Variants in TMPO observed in about 807,000 individuals in gnomAD.
TMPO encodes thymopoietin.
A neutral mutation model predicts 45.4 loss-of-function variants in TMPO; 22 were observed. The observed-to-expected ratio is 0.48, with a 90% CI of 0.35 to 0.69. TMPO has a LOEUF of 0.69. Ranked by LOEUF, TMPO falls within the 30% of genes least tolerant of loss-of-function variation. The pLI, the probability that TMPO is intolerant of heterozygous loss-of-function variation, is 0.01. For missense variants in TMPO, 512 were observed against 548.8 expected, an observed-to-expected ratio of 0.93 and a Z score of 0.67; for synonymous variants, 241 against 204.1, an observed-to-expected ratio of 1.18 and a Z score of -1.54.
At chr12:98,527,797 T>G in intron 1 of TMPO, 89 bp from the exon 2 acceptor site, 4 of 1,496,744 alleles carry the variant, frequency 2.7e-6, no homozygotes, top group Non-Finnish European at 2.8e-6. Context: ...AATTTGGTAG[T>G]GAGTTTGCAT....
rs756571073 is a variant in TMPO, at chr12:98,531,852, T to C, written c.565+14T>C. The C allele has an allele frequency of 6.2e-7, 1 of 1,607,220 alleles. No homozygotes were observed. Among genetic ancestry groups the C allele is most frequent in the East Asian group, 2.2e-5 (1 of 44,730 alleles). On this transcript the variant is annotated intron_variant, in intron 3 of 8. Coordinates refer to ENST00000556029, the MANE Select transcript of TMPO (RefSeq NM_001032283.3). ...ACAATGAAGAAGGTAAAATTTTAAA[T>C]GATGTTAATCAAATGTATGGAATTT... is the stretch of plus-strand genomic sequence containing the variant.
intron 1 of TMPO, among the ~76,000 whole-genome samples, chr12:98,518,650 AAG>A (rs1196153538): frequency 6.6e-6 from 1 of 151,824 alleles, no homozygotes; most frequent in Non-Finnish European, 1.5e-5. Context: ...CACTTGGTAA[AAG>A]AGAGTTTATG....
At chr12:98,519,208 A>G (rs1297306274) in intron 1 of TMPO, among the ~76,000 whole-genome samples, 1 of 151,162 alleles carries the variant, frequency 6.6e-6, no homozygotes, top group East Asian at 2.0e-4. Flanking sequence ...TGTTGTTGTT[A>G]TTTTGTTTTG....
chr12:98,538,527 A>G (rs1344196645), intron 4 of TMPO, among the ~76,000 whole-genome samples: 1 of 151,966 alleles, frequency 6.6e-6, no homozygotes, highest in Non-Finnish European at 1.5e-5. Flanking sequence ...TAATTTTTGT[A>G]TTTTTAGTAG....
intron 1 of TMPO, among the ~76,000 whole-genome samples, chr12:98,526,534 T>G (rs1422185140): frequency 6.6e-6 from 1 of 152,216 alleles, no homozygotes; most frequent in Admixed American, 6.5e-5. Flanking sequence ...GTATTGTCTT[T>G]TTTTTCCCCA....
chr12:98,529,161 C>T (rs1172316878), intron 2 of TMPO, among the ~76,000 whole-genome samples: 1 of 150,982 alleles, frequency 6.6e-6, no homozygotes, highest in African/African-American at 2.4e-5. Context: ...TCAAGCAGTT[C>T]TCCAGCCTCA....
At chr12:98,541,243 T>G (rs190174145) in intron 4 of TMPO, among the ~76,000 whole-genome samples, 6 of 152,356 alleles carry the variant, frequency 3.9e-5, no homozygotes, top group Admixed American at 3.9e-4. Context: ...TTTTAATAGA[T>G]AATACTATTT....
intron 1 of TMPO, chr12:98,527,650 A>G (rs1029140318): frequency 4.1e-6 from 2 of 483,996 alleles, no homozygotes; most frequent in East Asian, 3.8e-5. Flanking sequence ...AAAATGGACT[A>G]TTTTAACAAC....
intron 1 of TMPO, chr12:98,516,575 G>C: frequency 2.0e-6 from 2 of 1,002,206 alleles, no homozygotes; most frequent in Non-Finnish European, 2.4e-6. Context: ...CAGAGTCTCA[G>C]AGCGCTCCCT....
At chr12:98,547,078 C>CT (rs10632560) in intron 8 of TMPO, among the ~76,000 whole-genome samples, 33,802 of 141,572 alleles carry the variant, frequency 0.24, 4,710 homozygotes, top group Non-Finnish European at 0.32. Context: ...ATGCATCGAA[C>CT]TTTTTTTTTT....
chr12:98,547,330 C>A (rs1470405363), intron 8 of TMPO, among the ~76,000 whole-genome samples: 2 of 152,206 alleles, frequency 1.3e-5, no homozygotes, highest in Non-Finnish European at 2.9e-5. Context: ...CCGCCTTGGC[C>A]TCCCAAAGTG....
chr12:98,516,531 G>A (rs1875842486), intron 1 of TMPO: 1 of 1,041,034 alleles, frequency 9.6e-7, no homozygotes, highest in Non-Finnish European at 1.2e-6. Context: ...AAGTTCGAGC[G>A]TTTTCCCGCT....
At position 98,533,481 on chromosome 12, in the gene TMPO, A is replaced by G. The variant is rs763852580; in HGVS notation, c.565+1643A>G. ...TGCCCCCACTGGATGTAGAAAACAT[A>G]CAGAAGAGAATTGATCAGTCTAAGT... is the stretch of plus-strand genomic sequence containing the variant. On this transcript the variant is annotated intron_variant, in intron 3 of 8. Coordinates refer to ENST00000556029, the MANE Select transcript of TMPO (RefSeq NM_001032283.3). 19 of 1,614,078 alleles carry G rather than the reference A, an allele frequency of 1.2e-5. No individual in the cohort carries two copies. Among genetic ancestry groups the G allele is most frequent in the Non-Finnish European group, 1.5e-5 (18 of 1,180,030 alleles).
intron 4 of TMPO, among the ~76,000 whole-genome samples, chr12:98,539,763 C>T (rs369088782): frequency 3.3e-5 from 5 of 152,068 alleles, no homozygotes; most frequent in Non-Finnish European, 5.9e-5. Flanking sequence ...CATGAGCTAC[C>T]GCACCTGGCA....
chr12:98,544,266 A>G lies in TMPO; in HGVS notation c.700A>G (p.Thr234Ala), dbSNP rs1014749635. The G allele has an allele frequency of 3.7e-6, 6 of 1,614,006 alleles. No homozygotes were observed. Among genetic ancestry groups the G allele is most frequent in the Non-Finnish European group, 4.2e-6 (5 of 1,179,906 alleles). Residue 234 changes from threonine to alanine, a missense_variant, in exon 5 of 9, where the codon ACA becomes GCA. Around this residue, in one of 3 missense-constraint regions of TMPO, gnomAD observed 299 missense variants for 296.7 expected, o/e 1.01. Transcript: ENST00000556029. ...SQAGITETEW[T>A]SGSSKGGPLQ... is the part of the protein sequence containing the mutation. ...AGCTGGAATAACTGAGACTGAATGG[A>G]CAAGTGGATCTTCAAAAGGCGGACC... is the stretch of plus-strand genomic sequence containing the variant.
At chr12:98,531,235 C>CT (rs1228236045) in intron 2 of TMPO, among the ~76,000 whole-genome samples, 11,068 of 110,962 alleles carry the variant, frequency 0.1, 774 homozygotes, top group African/African-American at 0.14. Context: ...CCACCACGTC[C>CT]TTTTTTTTTT....
chr12:98,533,961 A>T, intron 3 of TMPO: 1 of 1,613,442 alleles, frequency 6.2e-7, no homozygotes. Context: ...TGGACTTAGC[A>T]CTCTGTAGAG....
At chr12:98,546,477 T>G in intron 8 of TMPO, 30 bp downstream of exon 8, 1 of 1,323,248 alleles carries the variant, frequency 7.6e-7, no homozygotes, top group Non-Finnish European at 1.1e-6. Flanking sequence ...CAAGTACTAG[T>G]GTATTCTAGT....
Position 98,515,648 on chromosome 12 carries a change from AG to A in TMPO, c.-219del. 1 of 901,360 alleles carries A rather than the reference AG, an allele frequency of 1.1e-6. No homozygotes were observed. The highest frequency in any genetic ancestry group is 1.6e-6 in the Non-Finnish European group (1 of 607,082). The allele number at this position is 901,360 out of a possible 1,614,324, so 55.8% of individuals were successfully genotyped here. On this transcript the variant is annotated 5_prime_UTR_variant, in exon 1 of 9. Transcript: ENST00000556029. ...TGGGCTGGGGTTGGTGCGAGCTTCC[AG>A]CTTGGCCGCAGTTGGTTCGTAGTTC... is the stretch of plus-strand genomic sequence containing the variant.
Sources: gnomAD v4.1 joint callset for allele counts (sites outside exome capture counted in the v4.1 genomes callset) on GRCh38, gnomAD v4.1.1 for gene constraint, gnomAD v4.1.1 regional missense constraint, MANE v1.5 for transcripts, NCBI Gene and HGNC (gene_info 2026-07-23, HGNC 2026-07-21) for gene names.